Variants in SRPK2 observed in about 807,000 individuals in gnomAD.
SRPK2 encodes SFRS protein kinase 2.
In SRPK2, 21 loss-of-function variants were observed where a neutral mutation model predicts 90.8. The ratio of observed to expected loss-of-function variants is 0.23; its 90% CI spans 0.16 to 0.33. The LOEUF is 0.33. SRPK2 is among the 10% of genes least tolerant of loss of function. The pLI is 1.00. For missense variants in SRPK2, 620 were observed against 869.0 expected (o/e 0.71, Z 3.60); for synonymous variants, 288 against 311.1 (o/e 0.93, Z 0.78).
At chr7:105,178,863 T>C (rs1461797289) in intron 3 of SRPK2, among the ~76,000 whole-genome samples, 1 of 151,932 alleles carries the variant, frequency 6.6e-6, no homozygotes, top group East Asian at 1.9e-4. Context: ...GTAAGATAAA[T>C]ATAAATGAAA....
At chr7:105,395,109 G>T (rs144656654) in intron 1 of SRPK2, among the ~76,000 whole-genome samples, 1 of 152,136 alleles carries the variant, frequency 6.6e-6, no homozygotes, top group African/African-American at 2.4e-5. Flanking sequence ...GGAGGTGGAG[G>T]TTGTAGTGAG....
intron 4 of SRPK2, 95 bp downstream of exon 4, chr7:105,169,062 C>CA: frequency 9.3e-7 from 1 of 1,080,496 alleles, no homozygotes; most frequent in Non-Finnish European, 1.4e-6. Flanking sequence ...TCACATACCT[C>CA]AACAAAGCAG....
intron 11 of SRPK2, among the ~76,000 whole-genome samples, chr7:105,138,321 C>T (rs1419863937): frequency 6.6e-6 from 1 of 152,168 alleles, no homozygotes; most frequent in Non-Finnish European, 1.5e-5. Context: ...ACAATGAGCA[C>T]TGCCCATACA....
intron 2 of SRPK2, among the ~76,000 whole-genome samples, chr7:105,253,569 C>G (rs1403942166): frequency 6.6e-6 from 1 of 152,112 alleles, no homozygotes; most frequent in Admixed American, 6.6e-5. Context: ...CAAGATGGTG[C>G]CACAATGTTT....
chr7:105,203,606 AC>A (rs936655480), intron 3 of SRPK2, 21 bp downstream of exon 3: 1 of 1,464,406 alleles, frequency 6.8e-7, no homozygotes, highest in Non-Finnish European at 9.0e-7. Flanking sequence ...CAAGCCCCAC[AC>A]CACCATGCTT....
intron 2 of SRPK2, among the ~76,000 whole-genome samples, chr7:105,345,196 A>AG (rs780550504): frequency 2.0e-3 from 171 of 87,578 alleles, no homozygotes; most frequent in Non-Finnish European, 3.0e-3. Flanking sequence ...AGGGGAGGGG[A>AG]GGGGAGGGGA....
In SRPK2 at chr7:105,142,587, T is replaced by C. The variant is rs1170399453; in HGVS notation, c.1061-97A>G. On this transcript the variant is annotated intron_variant, in intron 10 of 15. Transcript: ENST00000393651. ...CCATCAATAAAATACATTTTGAATATGCTTATGTACCACCTGGTAAACACC... is the reference window on the plus strand; with the variant it reads ...CCATCAATAAAATACATTTTGAATACGCTTATGTACCACCTGGTAAACACC... 7.5e-6 allele frequency: 11 copies of C among 1,474,858 alleles called. No individual in the cohort carries two copies. In the Admixed American group the frequency reaches 1.8e-4, roughly 25 times the overall value. The allele number at this position is 1,474,858 out of a possible 1,614,324, so 91.4% of individuals were successfully genotyped here.
intron 2 of SRPK2, among the ~76,000 whole-genome samples, chr7:105,376,293 G>T (rs529326716): frequency 6.6e-6 from 1 of 151,350 alleles, no homozygotes. Context: ...CACCACGCCC[G>T]GCCAAAAATT....
chr7:105,157,942 T>C (rs1280130244), intron 7 of SRPK2, among the ~76,000 whole-genome samples: 1 of 152,078 alleles, frequency 6.6e-6, no homozygotes, highest in Non-Finnish European at 1.5e-5. Flanking sequence ...GGTGCATGCC[T>C]GCAGTCCCAG....
rs759207745 is a variant in SRPK2, at chr7:105,117,392, T to C, written c.*446A>G. On this transcript the variant is annotated 3_prime_UTR_variant, in exon 16 of 16. Coordinates refer to ENST00000393651, the MANE Select transcript of SRPK2 (RefSeq NM_182692.3). Reference sequence around the variant, plus strand: ...ACTATAATACAGGAATGATGTCCCTTTGCCAGAAGATAAAATTGTACATTT... The same window carrying C: ...ACTATAATACAGGAATGATGTCCCTCTGCCAGAAGATAAAATTGTACATTT... 2.0e-4 allele frequency: 37 copies of C among 187,642 alleles called. No homozygotes were observed. Among genetic ancestry groups the C allele is most frequent in the Non-Finnish European group, 3.3e-4 (30 of 91,670 alleles). The allele number at this position is 187,642 out of a possible 1,614,324, so 11.6% of individuals were successfully genotyped here.
intron 2 of SRPK2, among the ~76,000 whole-genome samples, chr7:105,293,400 C>G (rs1191343157): frequency 6.6e-6 from 1 of 151,970 alleles, no homozygotes; most frequent in Non-Finnish European, 1.5e-5. Context: ...TGTTACATAT[C>G]TTCATCCTCA....
intron 9 of SRPK2, among the ~76,000 whole-genome samples, chr7:105,144,487 G>T (rs1027790921): frequency 2.0e-5 from 3 of 151,374 alleles, no homozygotes; most frequent in African/African-American, 7.3e-5. Context: ...GTGATCTAGT[G>T]GCCTCAGCCT....
At chr7:105,377,941 C>T (rs939751422) in intron 2 of SRPK2, among the ~76,000 whole-genome samples, 4 of 152,076 alleles carry the variant, frequency 2.6e-5, no homozygotes, top group African/African-American at 9.7e-5. Flanking sequence ...AATAGCCTCC[C>T]AATGGAGCCC....
intron 2 of SRPK2, among the ~76,000 whole-genome samples, chr7:105,302,912 G>GAA (rs1173629251): frequency 6.9e-6 from 1 of 144,072 alleles, no homozygotes; most frequent in Non-Finnish European, 1.5e-5. Flanking sequence ...CTTTTCTGAA[G>GAA]AAAAAAAAAA....
chr7:105,301,708 A>C, intron 2 of SRPK2: 2 of 1,611,078 alleles, frequency 1.2e-6, no homozygotes, highest in Non-Finnish European at 1.7e-6. Flanking sequence ...AATTCTATCT[A>C]TGAACGCTTT....
chr7:105,288,581 A>G (rs1328983761), intron 2 of SRPK2, among the ~76,000 whole-genome samples: 1 of 152,162 alleles, frequency 6.6e-6, no homozygotes, highest in Non-Finnish European at 1.5e-5. Context: ...GCGACAGTGC[A>G]AAGTGCAAGA....
At chr7:105,152,244 G>C (rs1805801906) in intron 7 of SRPK2, among the ~76,000 whole-genome samples, 1 of 151,968 alleles carries the variant, frequency 6.6e-6, no homozygotes, top group African/African-American at 2.4e-5. Context: ...CCACCTACTG[G>C]GTTCAAGCAA....
At chr7:105,267,850 C>CA (rs1374383226) in intron 2 of SRPK2, among the ~76,000 whole-genome samples, 1 of 151,764 alleles carries the variant, frequency 6.6e-6, no homozygotes, top group Non-Finnish European at 1.5e-5. Flanking sequence ...CATCTATGAA[C>CA]AAAAAAGATA....
chr7:105,222,101 T>C (rs149973436), intron 2 of SRPK2, among the ~76,000 whole-genome samples: 1 of 152,330 alleles, frequency 6.6e-6, no homozygotes, highest in African/African-American at 2.4e-5. Flanking sequence ...GTATATACTG[T>C]GAAAAACATC....
Sources: allele counts gnomAD v4.1 joint callset (sites outside exome capture counted in the v4.1 genomes callset), GRCh38; gene constraint gnomAD v4.1.1; transcripts MANE v1.5; gene names NCBI Gene and HGNC (gene_info 2026-07-23, HGNC 2026-07-21).